Variants in LRRC3B observed in about 807,000 individuals in gnomAD.
LRRC3B encodes the protein leucine-rich repeat-containing protein 3B.
A neutral mutation model predicts 12.8 loss-of-function variants in LRRC3B; 2 were observed. The ratio of observed to expected loss-of-function variants is 0.16; its 90% CI spans 0.06 to 0.49. The LOEUF (loss-of-function observed/expected upper bound fraction) is 0.49. Ranked by LOEUF, LRRC3B falls within the 20% of genes least tolerant of loss-of-function variation. LRRC3B has a pLI of 0.96. For missense variants in LRRC3B, 189 were observed against 319.4 expected (o/e 0.59, Z 3.11); for synonymous variants, 132 against 122.0 (o/e 1.08, Z -0.54).
chr3:26,694,068 GACAGTGA>G (rs1700250693), intron 1 of LRRC3B, among the ~76,000 whole-genome samples: 1 of 152,144 alleles, frequency 6.6e-6, no homozygotes, highest in Admixed American at 6.5e-5. Flanking sequence ...TATGCAACTT[GACAGTGA>G]TCAAGTGCAA....
At chr3:26,697,871 T>C (rs546003756) in intron 1 of LRRC3B, among the ~76,000 whole-genome samples, 1 of 152,298 alleles carries the variant, frequency 6.6e-6, no homozygotes, top group South Asian at 2.1e-4. Context: ...GCCCACAAAA[T>C]GTTAGCCACC....
At chr3:26,707,710 C>A (rs1277797288) in intron 1 of LRRC3B, among the ~76,000 whole-genome samples, 1 of 152,156 alleles carries the variant, frequency 6.6e-6, no homozygotes, top group Non-Finnish European at 1.5e-5. Flanking sequence ...TTTTCTCATG[C>A]CCTTTTCCTA....
chr3:26,676,841 A>G (rs533109452), intron 1 of LRRC3B, among the ~76,000 whole-genome samples: 2 of 152,346 alleles, frequency 1.3e-5, no homozygotes, highest in South Asian at 4.1e-4. Flanking sequence ...ACCAACCCAA[A>G]TGTCATTTCA....
chr3:26,649,725 G>C lies in LRRC3B; in HGVS notation c.-161+26488G>C, dbSNP rs116748552. On this transcript the variant is annotated intron_variant, in intron 1 of 1. Transcript: ENST00000396641. ...ACTTTAATTTGGTTACTTCCTTTAA[G>C]GCATTTGGTAACCTTAAACTATCTA... is the stretch of plus-strand genomic sequence containing the variant. Among the ~76,000 whole-genome samples, 96 of 152,120 alleles carry C rather than the reference G, an allele frequency of 6.3e-4. 1 individual carries two copies. The highest frequency in any genetic ancestry group is 2.3e-3 in the African/African-American group (94 of 41,510).
intron 1 of LRRC3B, among the ~76,000 whole-genome samples, chr3:26,703,792 T>C (rs1424429913): frequency 1.3e-5 from 2 of 151,760 alleles, no homozygotes; most frequent in Non-Finnish European, 2.9e-5. Context: ...TCATGAAACA[T>C]GTACTGCTTT....
At chr3:26,686,203 C>A (rs2125445650) in intron 1 of LRRC3B, among the ~76,000 whole-genome samples, 1 of 152,178 alleles carries the variant, frequency 6.6e-6, no homozygotes, top group East Asian at 1.9e-4. Flanking sequence ...CCTCAGCCTC[C>A]CAAGTAGCTG....
At chr3:26,692,387 C>A (rs189921418) in intron 1 of LRRC3B, among the ~76,000 whole-genome samples, 1 of 152,166 alleles carries the variant, frequency 6.6e-6, no homozygotes, top group African/African-American at 2.4e-5. Context: ...TGTGAGCAAA[C>A]AATATTTAAA....
intron 1 of LRRC3B, among the ~76,000 whole-genome samples, chr3:26,692,997 T>C (rs541584609): frequency 5.9e-5 from 9 of 152,194 alleles, no homozygotes; most frequent in Non-Finnish European, 1.3e-4. Flanking sequence ...TCCAGCAGGC[T>C]AGCCAGGGCT....
chr3:26,644,132 A>C lies in LRRC3B; in HGVS notation c.-161+20895A>C, dbSNP rs538758234. On this transcript the variant is annotated intron_variant, in intron 1 of 1. Coordinates refer to ENST00000396641, the Ensembl canonical transcript of LRRC3B. ...TATGCAGATATTATTTCTTAGGATG[A>C]GGAATCATTTAAATAAGTTGACTTC... is the stretch of plus-strand genomic sequence containing the variant. 2.0e-5 allele frequency among the ~76,000 whole-genome samples: 3 copies of C among 152,358 alleles called. 1 individual carries two copies. Among genetic ancestry groups the C allele is most frequent in the Middle Eastern group, 6.8e-3 (2 of 294 alleles).
At chr3:26,639,349 C>A (rs774942242) in intron 1 of LRRC3B, among the ~76,000 whole-genome samples, 1 of 151,752 alleles carries the variant, frequency 6.6e-6, no homozygotes, top group Non-Finnish European at 1.5e-5. Context: ...GCACTTTGGA[C>A]ACTAAATTTT....
At chr3:26,659,254 A>C (rs1286222595) in intron 1 of LRRC3B, among the ~76,000 whole-genome samples, 3 of 152,232 alleles carry the variant, frequency 2.0e-5, no homozygotes, top group Non-Finnish European at 4.4e-5. Flanking sequence ...TCCCTAAATC[A>C]GCAGAGCTCA....
chr3:26,665,235 T>A (rs556316175), intron 1 of LRRC3B, among the ~76,000 whole-genome samples: 1 of 152,262 alleles, frequency 6.6e-6, no homozygotes, highest in African/African-American at 2.4e-5. Flanking sequence ...AGCAGAGTTC[T>A]GTGGCCTCAT....
In LRRC3B at chr3:26,687,793, T is replaced by C. The variant is rs75553227; in HGVS notation, c.-160-21720T>C. On this transcript the variant is annotated intron_variant, in intron 1 of 1. Coordinates refer to ENST00000396641, the Ensembl canonical transcript of LRRC3B. Reference sequence around the variant, plus strand: ...TGCTGGTGATAATGAGCAATGAAAATGACCCAGGACTGAGGAGACAGATGG... The same window carrying C: ...TGCTGGTGATAATGAGCAATGAAAACGACCCAGGACTGAGGAGACAGATGG... Among the ~76,000 whole-genome samples, 1,212 of 152,304 alleles carry C rather than the reference T, an allele frequency of 8.0e-3. 14 individuals are homozygous for C. The highest frequency in any genetic ancestry group is 0.028 in the African/African-American group (1,166 of 41,574).
At chr3:26,708,111 G>A (rs1161764482) in intron 1 of LRRC3B, among the ~76,000 whole-genome samples, 1 of 152,028 alleles carries the variant, frequency 6.6e-6, no homozygotes, top group Non-Finnish European at 1.5e-5. Flanking sequence ...TATCCATCTG[G>A]GATCTTCATA....
At chr3:26,698,368 T>C (rs1461937616) in intron 1 of LRRC3B, among the ~76,000 whole-genome samples, 1 of 152,178 alleles carries the variant, frequency 6.6e-6, no homozygotes, top group East Asian at 1.9e-4. Flanking sequence ...TAAAACCAAG[T>C]GCACCTTGCA....
intron 1 of LRRC3B, among the ~76,000 whole-genome samples, chr3:26,633,743 G>A (rs1479172644): frequency 6.6e-6 from 1 of 152,172 alleles, no homozygotes; most frequent in Non-Finnish European, 1.5e-5. Context: ...ACTTGTTAGG[G>A]TTTTATGCAG....
intron 1 of LRRC3B, among the ~76,000 whole-genome samples, chr3:26,661,196 G>C (rs1427643651): frequency 2.0e-5 from 3 of 152,090 alleles, no homozygotes; most frequent in Non-Finnish European, 4.4e-5. Context: ...TGTTCAAAGG[G>C]AATACAAAGT....
At chr3:26,698,794 A>G (rs993004639) in intron 1 of LRRC3B, among the ~76,000 whole-genome samples, 2 of 152,156 alleles carry the variant, frequency 1.3e-5, no homozygotes, top group African/African-American at 4.8e-5. Flanking sequence ...ATACTTCAGT[A>G]TGTTCCTCTT....
intron 1 of LRRC3B, among the ~76,000 whole-genome samples, chr3:26,678,620 C>A (rs1026044855): frequency 6.6e-6 from 1 of 152,090 alleles, no homozygotes; most frequent in African/African-American, 2.4e-5. Context: ...CCCTCAAAAC[C>A]ACATGAGAAG....
Sources: gnomAD v4.1 joint callset for allele counts (sites outside exome capture counted in the v4.1 genomes callset) on GRCh38, gnomAD v4.1.1 for gene constraint, MANE v1.5 for transcripts, NCBI Gene and HGNC (gene_info 2026-07-23, HGNC 2026-07-21) for gene names.